Variants in ARID4B observed in about 807,000 individuals in gnomAD.
The protein encoded by ARID4B is AT-rich interaction domain 4B, also known as AT-rich interactive domain-containing protein 4B.
A neutral mutation model predicts 147.5 loss-of-function variants in ARID4B; 26 were observed. That is an observed-to-expected ratio of 0.18 (90% CI 0.13 to 0.24). ARID4B has a LOEUF of 0.24. ARID4B is among the 10% of genes least tolerant of loss of function. The pLI is 1.00. For synonymous variants in ARID4B, 512 were observed against 507.9 expected, an observed-to-expected ratio of 1.01 and a Z score of -0.11; for missense variants, 1,179 against 1,511.5, an observed-to-expected ratio of 0.78 and a Z score of 3.65.
rs554558722 is a variant in ARID4B at position 235,195,974 on chromosome 1, T to C, written c.1926+57A>G. 5.8e-6 allele frequency: 6 copies of C among 1,040,256 alleles called. No individual in the cohort carries two copies. The East Asian group carries it at 1.2e-4, about 21-fold the overall frequency. The allele number at this position is 1,040,256 out of a possible 1,614,324, so 64.4% of individuals were successfully genotyped here. A position where few individuals can be genotyped will look rare whatever the true frequency, so the allele number is the denominator to read the frequency against. Reference sequence around the variant, plus strand: ...CACTAACACATATTTAATTGCATCATTTGGAGGAAAACTTCTTTTTAAGAG... The same window carrying C: ...CACTAACACATATTTAATTGCATCACTTGGAGGAAAACTTCTTTTTAAGAG... On this transcript the variant is annotated intron_variant, in intron 18 of 23. Transcript: ENST00000264183.
intron 2 of ARID4B, among the ~76,000 whole-genome samples, chr1:235,281,728 A>C (rs1671683916): frequency 2.0e-5 from 3 of 152,130 alleles, no homozygotes; most frequent in Admixed American, 2.0e-4. Flanking sequence ...AAAAACAAAA[A>C]CAAAAAACAA....
intron 17 of ARID4B, among the ~76,000 whole-genome samples, chr1:235,199,111 A>C (rs1665703457): frequency 6.6e-6 from 1 of 152,062 alleles, no homozygotes; most frequent in African/African-American, 2.4e-5. Context: ...AAAACAAAAC[A>C]AAAAAAATTC....
intron 19 of ARID4B, among the ~76,000 whole-genome samples, chr1:235,189,288 T>C (rs1037294391): frequency 6.7e-6 from 1 of 149,354 alleles, no homozygotes; most frequent in African/African-American, 2.5e-5. Flanking sequence ...TAATACCAGC[T>C]ACTCGGGAGG....
At chr1:235,178,003 TC>T in intron 20 of ARID4B, 90 bp from the exon 21 acceptor site, 1 of 659,668 alleles carries the variant, frequency 1.5e-6, no homozygotes, top group East Asian at 2.8e-5. Context: ...CATAGAACAA[TC>T]CAAAACTACA....
intron 17 of ARID4B, among the ~76,000 whole-genome samples, chr1:235,208,056 T>C (rs1213879019): frequency 1.3e-5 from 2 of 152,202 alleles, no homozygotes; most frequent in Admixed American, 6.5e-5. Context: ...CAAAAAATTA[T>C]TCTCTAACTA....
chr1:235,285,362 G>T (rs1380088211), intron 2 of ARID4B, among the ~76,000 whole-genome samples: 1 of 152,112 alleles, frequency 6.6e-6, no homozygotes, highest in Admixed American at 6.6e-5. Flanking sequence ...TTTAAAAACA[G>T]ATTACCTCAA....
chr1:235,214,203 C>T (rs955801000), intron 16 of ARID4B, among the ~76,000 whole-genome samples, 177 bp from the exon 17 acceptor site: 5 of 151,856 alleles, frequency 3.3e-5, no homozygotes, highest in African/African-American at 1.2e-4. Flanking sequence ...GTAAGACAAC[C>T]AAGGTTACAG....
chr1:235,207,899 A>G (rs1666427827), intron 17 of ARID4B, among the ~76,000 whole-genome samples: 1 of 152,226 alleles, frequency 6.6e-6, no homozygotes, highest in African/African-American at 2.4e-5. Flanking sequence ...TAATATATTT[A>G]GCATAATTTA....
intron 19 of ARID4B, among the ~76,000 whole-genome samples, chr1:235,191,062 T>A (rs574444568): frequency 6.6e-6 from 1 of 152,260 alleles, no homozygotes; most frequent in African/African-American, 2.4e-5. Flanking sequence ...CTCCCTTCCA[T>A]GTCTTATGTG....
At chr1:235,193,560 C>T (rs937162061) in intron 19 of ARID4B, among the ~76,000 whole-genome samples, 4 of 152,072 alleles carry the variant, frequency 2.6e-5, no homozygotes, top group Non-Finnish European at 4.4e-5. Context: ...ACTAAAGTAA[C>T]AATGCTAAAA....
intron 9 of ARID4B, 23 bp from the exon 10 acceptor site, chr1:235,231,212 A>T: frequency 7.1e-7 from 1 of 1,401,348 alleles, no homozygotes; most frequent in Non-Finnish European, 9.7e-7. Context: ...TTTAATTATA[A>T]GAGAAGAAAA....
intron 2 of ARID4B, among the ~76,000 whole-genome samples, chr1:235,304,362 A>G (rs1156578550): frequency 1.3e-5 from 2 of 151,764 alleles, no homozygotes; most frequent in South Asian, 2.1e-4. Flanking sequence ...ATAAAAAAAA[A>G]GAAAAGAAAT....
At chr1:235,231,022 A>G (rs1668192269) in intron 10 of ARID4B, 91 bp downstream of exon 10, 1 of 902,210 alleles carries the variant, frequency 1.1e-6, no homozygotes, top group Admixed American at 2.6e-5. Flanking sequence ...TAATTTAAAG[A>G]AAAATTTTAA....
chr1:235,255,219 C>CTATATATATA (rs370660682), intron 5 of ARID4B, among the ~76,000 whole-genome samples: 12 of 127,564 alleles, frequency 9.4e-5, no homozygotes, highest in East Asian at 2.2e-4. Flanking sequence ...CTGCTGGGAG[C>CTATATATATA]TAGATAGATA....
chr1:235,268,207 A>G (rs1258288644), intron 2 of ARID4B, among the ~76,000 whole-genome samples: 1 of 152,180 alleles, frequency 6.6e-6, no homozygotes, highest in African/African-American at 2.4e-5. Flanking sequence ...GACTAATCAA[A>G]TAAGTAAATA....
chr1:235,215,593 C>T (rs1667021582), intron 16 of ARID4B, among the ~76,000 whole-genome samples: 1 of 93,790 alleles, frequency 1.1e-5, no homozygotes, highest in Non-Finnish European at 2.7e-5. Context: ...ATATTTTTCC[C>T]CCCCTTGGAG....
chr1:235,309,587 C>G (rs1170858468), intron 2 of ARID4B, among the ~76,000 whole-genome samples: 1 of 147,300 alleles, frequency 6.8e-6, no homozygotes, highest in Non-Finnish European at 1.5e-5. Context: ...CCGCCCCGTC[C>G]GGGAGGTGAG....
intron 23 of ARID4B, among the ~76,000 whole-genome samples, chr1:235,169,280 G>T (rs188181471): frequency 2.7e-5 from 4 of 150,644 alleles, no homozygotes; most frequent in Non-Finnish European, 2.9e-5. Flanking sequence ...TCTGTCTGTC[G>T]CCCAGGCTGG....
intron 2 of ARID4B, among the ~76,000 whole-genome samples, chr1:235,270,156 G>A (rs1050208066): frequency 5.9e-5 from 9 of 152,036 alleles, no homozygotes; most frequent in Non-Finnish European, 7.4e-5. Flanking sequence ...CATGACAGGC[G>A]CCTGTAGTCC....
Sources: gnomAD v4.1 joint callset for allele counts (sites outside exome capture counted in the v4.1 genomes callset) on GRCh38, gnomAD v4.1.1 for gene constraint, MANE v1.5 for transcripts, NCBI Gene and HGNC (gene_info 2026-07-23, HGNC 2026-07-21) for gene names.